CSMD1: variants seen among roughly 807,000 people sequenced by gnomAD.
CSMD1 encodes the protein CUB and Sushi multiple domains 1.
In CSMD1, 213 loss-of-function variants were observed where a neutral mutation model predicts 417.5. The observed-to-expected ratio is 0.51, with a 90% CI of 0.46 to 0.57. The LOEUF is 0.57. Among genes scored for constraint, CSMD1 ranks in the 20% least tolerant of loss-of-function variants. The probability of loss-of-function intolerance (pLI) is 0.00; values close to 1 mark genes in which losing one functional copy is unlikely to be tolerated. For synonymous variants in CSMD1, 2,862 were observed against 1,736.8 expected (o/e 1.65, Z -16.11); for missense variants, 6,923 against 4,529.7 (o/e 1.53, Z -15.17).
At chr8:4,175,173 G>A (rs1200614455) in intron 3 of CSMD1, among the ~76,000 whole-genome samples, 2 of 152,024 alleles carry the variant, frequency 1.3e-5, no homozygotes, top group Non-Finnish European at 1.5e-5. Flanking sequence ...GTTGAAAAGT[G>A]ATTTTTAATT....
chr8:3,747,036 A>T (rs1324908733), intron 6 of CSMD1, among the ~76,000 whole-genome samples: 1 of 152,224 alleles, frequency 6.6e-6, no homozygotes, highest in Admixed American at 6.5e-5. Flanking sequence ...AAAATAACTC[A>T]CTATCCACCA....
chr8:4,159,292 C>G (rs1797012902), intron 3 of CSMD1, among the ~76,000 whole-genome samples: 2 of 152,054 alleles, frequency 1.3e-5, no homozygotes, highest in Admixed American at 6.5e-5. Flanking sequence ...TAATTTATAC[C>G]TCAAGTATTT....
chr8:4,530,130 G>C lies in CSMD1; in HGVS notation c.302+107212C>G, dbSNP rs575881733. ...GGGTTTCACCGTGTTAGCCAGGATGGTCTCGATCTCCTGACCTTGTGATCT... is the reference window on the plus strand; with the variant it reads ...GGGTTTCACCGTGTTAGCCAGGATGCTCTCGATCTCCTGACCTTGTGATCT... On this transcript the variant is annotated intron_variant, in intron 2 of 69. Coordinates refer to ENST00000635120, the MANE Select transcript of CSMD1 (RefSeq NM_033225.6). 5.8e-4 allele frequency among the ~76,000 whole-genome samples: 88 copies of C among 151,576 alleles called. No individual in the cohort carries two copies. The South Asian group carries it at 5.8e-3, about 10-fold the overall frequency.
intron 2 of CSMD1, among the ~76,000 whole-genome samples, chr8:4,628,259 T>A (rs540502796): frequency 6.6e-6 from 1 of 151,474 alleles, no homozygotes; most frequent in Non-Finnish European, 1.5e-5. Context: ...ATTCTTGGTC[T>A]TTCATACCTC....
chr8:3,591,911 T>C (rs765317252), intron 8 of CSMD1, among the ~76,000 whole-genome samples: 1 of 151,964 alleles, frequency 6.6e-6, no homozygotes, highest in African/African-American at 2.4e-5. Context: ...GAGGAATATA[T>C]GGATTAGACA....
At chr8:3,103,448 C>T (rs1408956186) in intron 46 of CSMD1, among the ~76,000 whole-genome samples, 1 of 152,114 alleles carries the variant, frequency 6.6e-6, no homozygotes, top group Non-Finnish European at 1.5e-5. Context: ...TGAGACTGTA[C>T]TGAAGACTGT....
At chr8:3,421,365 G>C (rs1813478035) in intron 12 of CSMD1, among the ~76,000 whole-genome samples, 2 of 152,112 alleles carry the variant, frequency 1.3e-5, no homozygotes, top group Non-Finnish European at 1.5e-5. Flanking sequence ...ACATTGAATG[G>C]GCAGAGATAA....
At chr8:4,193,564 A>C (rs764494618) in intron 3 of CSMD1, among the ~76,000 whole-genome samples, 1 of 152,098 alleles carries the variant, frequency 6.6e-6, no homozygotes, top group African/African-American at 2.4e-5. Context: ...GGCTGTGGGA[A>C]AACAAATGAA....
intron 3 of CSMD1, among the ~76,000 whole-genome samples, chr8:4,217,060 T>C (rs538671504): frequency 6.6e-6 from 1 of 152,218 alleles, no homozygotes; most frequent in South Asian, 2.1e-4. Flanking sequence ...AATCAGGTAG[T>C]GTCCTGTGTC....
intron 41 of CSMD1, among the ~76,000 whole-genome samples, chr8:3,125,562 C>G (rs1436532275): frequency 1.3e-5 from 2 of 152,210 alleles, no homozygotes; most frequent in African/African-American, 2.4e-5. Context: ...GATTATCAAA[C>G]AAATTCTGAT....
At chr8:3,642,805 G>A (rs1286464364) in intron 7 of CSMD1, among the ~76,000 whole-genome samples, 2 of 151,930 alleles carry the variant, frequency 1.3e-5, no homozygotes, top group African/African-American at 2.4e-5. Context: ...GAATCCAGTA[G>A]AACCCCCAGA....
intron 25 of CSMD1, among the ~76,000 whole-genome samples, chr8:3,298,374 T>C (rs1377320249): frequency 1.3e-5 from 2 of 152,186 alleles, no homozygotes; most frequent in African/African-American, 2.4e-5. Flanking sequence ...AAATAAATTA[T>C]ATCAGGAAAT....
chr8:4,055,249 C>G (rs751463954), intron 3 of CSMD1, among the ~76,000 whole-genome samples: 2 of 152,148 alleles, frequency 1.3e-5, no homozygotes, highest in African/African-American at 4.8e-5. Flanking sequence ...TTACTTGCCT[C>G]AAATGAATTC....
intron 2 of CSMD1, among the ~76,000 whole-genome samples, chr8:4,480,098 C>T (rs1365584640): frequency 6.6e-6 from 1 of 150,554 alleles, no homozygotes; most frequent in African/African-American, 2.5e-5. Flanking sequence ...GAACCATGAC[C>T]AGTTAAAAGG....
At chr8:3,762,430 C>T (rs556472434) in intron 5 of CSMD1, among the ~76,000 whole-genome samples, 1 of 152,216 alleles carries the variant, frequency 6.6e-6, no homozygotes, top group Admixed American at 6.5e-5. Flanking sequence ...GCCAGACTTA[C>T]CCTTTGCAGA....
chr8:3,704,980 G>C (rs1357639992), intron 7 of CSMD1: 1 of 152,172 alleles, frequency 6.6e-6, no homozygotes, highest in African/African-American at 2.4e-5. Context: ...TTAACATCTA[G>C]AACTTTGGGT....
At chr8:4,225,672 T>C (rs540721307) in intron 3 of CSMD1, among the ~76,000 whole-genome samples, 5 of 152,170 alleles carry the variant, frequency 3.3e-5, no homozygotes, top group Non-Finnish European at 5.9e-5. Flanking sequence ...AAAGTGGTGA[T>C]GCCTTAGGAA....
chr8:3,111,783 G>T (rs1816534197), intron 42 of CSMD1, among the ~76,000 whole-genome samples: 1 of 152,084 alleles, frequency 6.6e-6, no homozygotes, highest in Non-Finnish European at 1.5e-5. Context: ...AGTAAGCCGA[G>T]ATTGTGCCAT....
intron 3 of CSMD1, among the ~76,000 whole-genome samples, chr8:4,343,286 G>C (rs1031730063): frequency 6.6e-6 from 1 of 152,084 alleles, no homozygotes; most frequent in Non-Finnish European, 1.5e-5. Context: ...AGTGAATATA[G>C]AGAGATATTG....
Sources: gnomAD v4.1 joint callset for allele counts (sites outside exome capture counted in the v4.1 genomes callset) on GRCh38, gnomAD v4.1.1 for gene constraint, MANE v1.5 for transcripts, NCBI Gene and HGNC (gene_info 2026-07-23, HGNC 2026-07-21) for gene names.